The following CLCN1 variants were observed in gnomAD, a reference collection of about 807,000 sequenced individuals.
CLCN1 encodes the protein chloride voltage-gated channel 1.
CLCN1 carries 100 observed loss-of-function variants against 114.5 expected under a neutral mutation model. The ratio of observed to expected loss-of-function variants is 0.87; its 90% CI spans 0.74 to 1.03. The LOEUF is 1.03. Ranked by LOEUF, CLCN1 falls within the 50% of genes least tolerant of loss-of-function variation. CLCN1 has a pLI of 0.00. For synonymous variants in CLCN1, 485 were observed against 487.1 expected (o/e 1.00, Z 0.06); for missense variants, 1,188 against 1,250.0 (o/e 0.95, Z 0.75).
chr7:143,335,354 T>C (rs757395762), intron 12 of CLCN1, among the ~76,000 whole-genome samples: 20 of 152,348 alleles, frequency 1.3e-4, no homozygotes, highest in Admixed American at 3.3e-4. Flanking sequence ...ATATACTTCC[T>C]GGGCTATATT....
chr7:143,320,142 C>T (rs1232416482), intron 2 of CLCN1, among the ~76,000 whole-genome samples: 1 of 152,166 alleles, frequency 6.6e-6, no homozygotes, highest in Non-Finnish European at 1.5e-5. Flanking sequence ...GCACATGCCA[C>T]CATGCCCAGC....
chr7:143,346,260 C>G lies in CLCN1; in HGVS notation c.2284+9C>G. 6.3e-7 allele frequency: 1 copy of G among 1,578,014 alleles called. No individual in the cohort carries two copies. Among genetic ancestry groups the G allele is most frequent in the Non-Finnish European group, 8.7e-7 (1 of 1,147,756 alleles). On this transcript the variant is annotated intron_variant, in intron 18 of 22. Coordinates refer to ENST00000343257, the MANE Select transcript of CLCN1 (RefSeq NM_000083.3). ...AGCACCAGAGCCTGCAGGTGACGCT[C>G]TTCCCTCATGCACCCCAACTCACCC...
intron 1 of CLCN1, among the ~76,000 whole-genome samples, chr7:143,316,939 C>G (rs904947150): frequency 2.0e-5 from 3 of 152,164 alleles, no homozygotes; most frequent in Non-Finnish European, 4.4e-5. Flanking sequence ...GCTTTTAGGT[C>G]GCAAGATGAT....
rs949511834 is a variant in CLCN1, at chr7:143,334,900, T to C, written c.1401+2027T>C. Among the ~76,000 whole-genome samples the C allele has an allele frequency of 3.9e-5, 6 of 152,236 alleles. No individual in the cohort carries two copies. The East Asian group carries it at 1.2e-3, about 29-fold the overall frequency. On this transcript the variant is annotated intron_variant, in intron 12 of 22. Coordinates refer to ENST00000343257, the MANE Select transcript of CLCN1 (RefSeq NM_000083.3). ...AGGGATTTGATTTTTAGACTTTCAT[T>C]ATAGAGTTCATCTTCTCTAATTTAT...
At chr7:143,318,435 C>T (rs1458492079) in intron 1 of CLCN1, among the ~76,000 whole-genome samples, 37 of 152,170 alleles carry the variant, frequency 2.4e-4, no homozygotes, top group Admixed American at 2.4e-3. Context: ...GTTGGTCAGG[C>T]TGGTCTTGAT....
intron 2 of CLCN1, 79 bp from the exon 3 acceptor site, chr7:143,320,585 C>G (rs1802400157): frequency 5.2e-6 from 6 of 1,149,318 alleles, no homozygotes; most frequent in African/African-American, 3.2e-5. Context: ...CTCTCTCTCT[C>G]TGTCTCTACA....
Position 143,319,760 on chromosome 7 carries a change from TG to T in CLCN1, c.188del (p.Gly63AlafsTer14). ...RHNVHPTQIY[G>X]HHKEQFSDRE... ...ATCATTCTCTCTCTGTCCAGATTTA[TG>T]GCCATCACAAAGAACAATTCTCAGA... On this transcript the variant is annotated frameshift_variant, in exon 2 of 23. Transcript: ENST00000343257. LOFTEE classifies it high-confidence loss of function. 1.2e-6 allele frequency: 2 copies of T among 1,614,032 alleles called. No individual in the cohort carries two copies. Among genetic ancestry groups the T allele is most frequent in the Non-Finnish European group, 1.7e-6 (2 of 1,179,894 alleles).
At position 143,320,689 on chromosome 7, in the gene CLCN1, G is replaced by A; in HGVS notation, c.327G>A (p.Val109=). Reference sequence around the variant, plus strand: ...ATTGTATCCACCGCCTGGGACAGGTGGTGAGAAGAAAATTAGGGGAAGACG... The same window carrying A: ...ATTGTATCCACCGCCTGGGACAGGTAGTGAGAAGAAAATTAGGGGAAGACG... ...CQDCIHRLGQ[V]VRRKLGEDGI... Residue 109 remains valine (V), a synonymous_variant, in exon 3 of 23, where the codon GTG becomes GTA. Transcript: ENST00000343257. 1 of 1,613,452 alleles carries A rather than the reference G, an allele frequency of 6.2e-7. No individual in the cohort carries two copies. The highest frequency in any genetic ancestry group is 8.5e-7 in the Non-Finnish European group (1 of 1,179,650).
chr7:143,316,278 C>G lies in CLCN1; in HGVS notation c.66C>G (p.Tyr22Ter). ...GCTGGTGGGGTAGTGACCCCCAGTA[C>G]CAGTATATGCCCTTTGAACACTGCA... The part of the protein sequence containing the change: ...EQSWWGSDPQ[Y>*]QYMPFEHCTS... The change falls in exon 1 of 23, where the codon TAC (tyrosine) becomes TAG (stop). Residue 22 changes from tyrosine to a stop codon, truncating the protein, a stop_gained. Transcript: ENST00000343257. LOFTEE classifies it high-confidence loss of function. 6.2e-7 allele frequency: 1 copy of G among 1,613,586 alleles called. No homozygotes were observed.
Position 143,324,725 on chromosome 7 carries a change from G to C in CLCN1, c.853+233G>C, listed in dbSNP as rs905446055. Reference sequence around the variant, plus strand: ...GAAGAGGAGAGAACTGAGTTACAGAGAGGGACAGTGACTTGAGCAAGTTCA... The same window carrying C: ...GAAGAGGAGAGAACTGAGTTACAGACAGGGACAGTGACTTGAGCAAGTTCA... On this transcript the variant is annotated intron_variant, in intron 7 of 22. Transcript: ENST00000343257. This position sits in a 1 kb window ranked among gnomAD's most constrained non-coding sequence, Gnocchi z 4.6. Among the ~76,000 whole-genome samples, 3 of 152,262 alleles carry C rather than the reference G, an allele frequency of 2.0e-5. No individual in the cohort carries two copies. Among genetic ancestry groups the C allele is most frequent in the African/African-American group, 7.2e-5 (3 of 41,474 alleles).
intron 12 of CLCN1, among the ~76,000 whole-genome samples, chr7:143,337,626 T>C (rs190064811): frequency 9.9e-5 from 15 of 152,274 alleles, no homozygotes; most frequent in Admixed American, 9.2e-4. Context: ...GTCCTGAGCT[T>C]TAGCTGCTAC....
chr7:143,350,376 A>T lies in CLCN1; in HGVS notation c.2408A>T (p.Glu803Val). ...CTTTCCTCCTCTGGCTGACAGATTG[A>T]GGCCTGGGAGCAGGAGCAGCTGAGC... ...LVDNMSPEEI[E>V]AWEQEQLSQP... Residue 803 changes from glutamate (E) to valine (V), a missense_variant, in exon 21 of 23, where the codon GAG (glutamate) becomes GTG (valine). Coordinates refer to ENST00000343257, the MANE Select transcript of CLCN1 (RefSeq NM_000083.3). The surrounding 1 kb of genome is among the most constrained non-coding windows in gnomAD (Gnocchi z 5.1). 6.2e-7 allele frequency: 1 copy of T among 1,613,386 alleles called. No homozygotes were observed. The highest frequency in any genetic ancestry group is 8.5e-7 in the Non-Finnish European group (1 of 1,179,474).
intron 16 of CLCN1, among the ~76,000 whole-genome samples, chr7:143,344,606 C>A (rs1217555534): frequency 6.6e-6 from 1 of 152,114 alleles, no homozygotes; most frequent in Non-Finnish European, 1.5e-5. Context: ...TGACTGAGAC[C>A]TAACAGTAAA....
At chr7:143,345,323 C>A (rs1316668150) in intron 16 of CLCN1, among the ~76,000 whole-genome samples, 198 bp from the exon 17 acceptor site, 2 of 152,130 alleles carry the variant, frequency 1.3e-5, no homozygotes, top group Admixed American at 6.5e-5. Flanking sequence ...TGGCCCCGTA[C>A]CTGCTAAATG....
Position 143,332,984 on chromosome 7 carries a change from C to T in CLCN1, c.1401+111C>T, listed in dbSNP as rs570238542. The stretch of plus-strand genomic sequence containing the variant: ...AGAACTTCATTTGGTCTTCATCCAA[C>T]CTAAAAATAAGTCATTTGAAAACCA... On this transcript the variant is annotated intron_variant, in intron 12 of 22. Coordinates refer to ENST00000343257, the MANE Select transcript of CLCN1 (RefSeq NM_000083.3). The T allele has an allele frequency of 1.4e-5, 17 of 1,223,080 alleles. No individual in the cohort carries two copies. The South Asian group carries it at 1.9e-4, about 14-fold the overall frequency. The allele number at this position is 1,223,080 out of a possible 1,614,324, so 75.8% of individuals were successfully genotyped here.
chr7:143,341,666 G>A (rs760963991), intron 14 of CLCN1, among the ~76,000 whole-genome samples: 19 of 151,972 alleles, frequency 1.3e-4, no homozygotes, highest in Non-Finnish European at 2.6e-4. Flanking sequence ...GAATGGATAG[G>A]ACATCACTAT....
intron 7 of CLCN1, among the ~76,000 whole-genome samples, chr7:143,327,821 T>G (rs183214473): frequency 1.3e-5 from 2 of 152,150 alleles, no homozygotes; most frequent in East Asian, 3.9e-4. Flanking sequence ...GCCTGGCTAA[T>G]TTTTGTATTT....
At chr7:143,331,495 C>T (rs1373559018) in intron 9 of CLCN1, 56 bp from the exon 10 acceptor site, 7 of 1,323,272 alleles carry the variant, frequency 5.3e-6, no homozygotes, top group South Asian at 4.7e-5. Context: ...TAGTTATGTC[C>T]AAGAGATGAG....
Position 143,339,519 on chromosome 7 carries a change from T to C in CLCN1, c.1480T>C (p.Phe494Leu), listed in dbSNP as rs147493705. The C allele has an allele frequency of 2.4e-4, 390 of 1,612,644 alleles. 2 individuals carry two copies. In the African/African-American group the frequency reaches 4.4e-3, roughly 18 times the overall value. The change falls in exon 14 of 23, where the codon TTT becomes CTT. Residue 494 changes from phenylalanine to leucine, a missense_variant. By Grantham distance (22) the Phe-to-Leu change is conservative. Coordinates refer to ENST00000343257, the MANE Select transcript of CLCN1 (RefSeq NM_000083.3). The surrounding 1 kb of genome is among the most constrained non-coding windows in gnomAD (Gnocchi z 4.1). ...TTTTATCTTCCCTCTAGGAGCTGCA[T>C]TTGGAAGGCTGGTAGGAGAAATCAT... Reference protein sequence around the residue: ...FMPVFVLGAAFGRLVGEIMAM... With the variant: ...FMPVFVLGAALGRLVGEIMAM...
Sources: allele counts gnomAD v4.1 joint callset (sites outside exome capture counted in the v4.1 genomes callset), GRCh38; gene constraint gnomAD v4.1.1; non-coding constraint Gnocchi (gnomAD v3.1); transcripts MANE v1.5; gene names NCBI Gene and HGNC (gene_info 2026-07-23, HGNC 2026-07-21).